Variants in PACRG observed in about 807,000 individuals in gnomAD.
PACRG encodes the protein parkin coregulated gene protein.
PACRG carries 29 observed loss-of-function variants against 29.7 expected under a neutral mutation model. That is an observed-to-expected ratio of 0.98 (90% confidence interval 0.73 to 1.33). The LOEUF is 1.33. PACRG is among the 40% of genes most tolerant of loss of function. PACRG has a pLI of 0.00. For synonymous variants in PACRG, 116 were observed against 118.7 expected (o/e 0.98, Z 0.15); for missense variants, 279 against 316.2 (o/e 0.88, Z 0.89).
intron 2 of PACRG, among the ~76,000 whole-genome samples, chr6:162,970,786 C>G (rs1801461297): frequency 6.6e-6 from 1 of 152,072 alleles, no homozygotes; most frequent in African/African-American, 2.4e-5. Flanking sequence ...CATCACAATT[C>G]AGATCCCAAA....
chr6:162,903,490 A>G (rs941199628), intron 2 of PACRG, among the ~76,000 whole-genome samples: 2 of 152,114 alleles, frequency 1.3e-5, no homozygotes, highest in African/African-American at 4.8e-5. Context: ...CAGAAGGTGA[A>G]AGACACATCT....
intron 2 of PACRG, among the ~76,000 whole-genome samples, chr6:163,061,118 C>T (rs1811063916): frequency 1.3e-5 from 2 of 152,160 alleles, no homozygotes; most frequent in Admixed American, 1.3e-4. Context: ...TAACTAGAAG[C>T]TGGGTGCATT....
rs375778247 is a variant in PACRG at position 163,270,006 on chromosome 6, A to G, written c.614-44821A>G. 8.2e-3 allele frequency among the ~76,000 whole-genome samples: 688 copies of G among 84,210 alleles called. 10 individuals are homozygous for G. The highest frequency in any genetic ancestry group is 0.017 in the African/African-American group (346 of 20,248). The allele number at this position is 84,210 out of a possible 152,430, so 55.2% of individuals were successfully genotyped here. On this transcript the variant is annotated intron_variant, in intron 4 of 4. Transcript: ENST00000366888. Reference sequence around the variant, plus strand: ...AAGAAAGAAAGAAAGAAAGAAAGAAAGGAGGGAGGGAGGGAGGGAGGAAGG... The same window carrying G: ...AAGAAAGAAAGAAAGAAAGAAAGAAGGGAGGGAGGGAGGGAGGGAGGAAGG...
intron 4 of PACRG, among the ~76,000 whole-genome samples, chr6:163,290,336 G>A (rs1467257332): frequency 6.6e-6 from 1 of 150,696 alleles, no homozygotes; most frequent in Non-Finnish European, 1.5e-5. Context: ...CAATCACTGA[G>A]TGACCATCTT....
chr6:162,812,701 T>A (rs929976842), intron 1 of PACRG, among the ~76,000 whole-genome samples: 1 of 152,138 alleles, frequency 6.6e-6, no homozygotes, highest in African/African-American at 2.4e-5. Context: ...GATAGTAATA[T>A]AGCTAAAACT....
intron 4 of PACRG, among the ~76,000 whole-genome samples, chr6:163,100,503 G>A (rs1020586916): frequency 7.2e-5 from 11 of 152,220 alleles, no homozygotes; most frequent in African/African-American, 2.6e-4. Flanking sequence ...GCCCTCCAAG[G>A]ACACCAAGGC....
chr6:163,223,630 G>C (rs988954831), intron 4 of PACRG, among the ~76,000 whole-genome samples: 1 of 152,166 alleles, frequency 6.6e-6, no homozygotes, highest in Non-Finnish European at 1.5e-5. Context: ...CCTAAATCAA[G>C]GGTTACAGGA....
chr6:163,277,346 C>T (rs1013716546), intron 4 of PACRG, among the ~76,000 whole-genome samples: 1 of 151,950 alleles, frequency 6.6e-6, no homozygotes, highest in Non-Finnish European at 1.5e-5. Flanking sequence ...TGAGTGAGAA[C>T]ATATGATGTT....
intron 2 of PACRG, among the ~76,000 whole-genome samples, chr6:163,027,582 C>T (rs1807252779): frequency 1.3e-5 from 2 of 152,030 alleles, no homozygotes; most frequent in African/African-American, 4.8e-5. Context: ...TTTAGAACAC[C>T]AGCCCCTTAA....
At chr6:162,866,768 G>T (rs1161516396) in intron 2 of PACRG, among the ~76,000 whole-genome samples, 1 of 152,166 alleles carries the variant, frequency 6.6e-6, no homozygotes, top group Non-Finnish European at 1.5e-5. Flanking sequence ...TGGAGAAAGA[G>T]AATTCTATCA....
At chr6:163,043,506 C>T (rs1239469993) in intron 2 of PACRG, among the ~76,000 whole-genome samples, 2 of 151,818 alleles carry the variant, frequency 1.3e-5, no homozygotes, top group Non-Finnish European at 2.9e-5. Context: ...GAGCCGAGAT[C>T]GCACCACTGC....
intron 2 of PACRG, among the ~76,000 whole-genome samples, chr6:162,954,546 C>A (rs1455692846): frequency 6.6e-6 from 1 of 151,358 alleles, no homozygotes; most frequent in Non-Finnish European, 1.5e-5. Flanking sequence ...ATATTATTAT[C>A]ATTGTATCAG....
intron 2 of PACRG, among the ~76,000 whole-genome samples, chr6:163,034,357 T>C (rs1450737365): frequency 6.6e-6 from 1 of 152,144 alleles, no homozygotes; most frequent in Non-Finnish European, 1.5e-5. Context: ...GCAGTTAACA[T>C]CCTGTAGTAC....
chr6:163,024,990 G>C (rs1806991147), intron 2 of PACRG, among the ~76,000 whole-genome samples: 1 of 152,096 alleles, frequency 6.6e-6, no homozygotes, highest in South Asian at 2.1e-4. Context: ...ATTGAGATAT[G>C]GTTATCTCAA....
chr6:162,819,180 T>C (rs1481486271), intron 2 of PACRG, among the ~76,000 whole-genome samples: 1 of 152,164 alleles, frequency 6.6e-6, no homozygotes, highest in African/African-American at 2.4e-5. Context: ...AGCAGGTATA[T>C]GTGAGAATGG....
At chr6:163,007,426 C>T (rs1021195454) in intron 2 of PACRG, among the ~76,000 whole-genome samples, 2 of 152,158 alleles carry the variant, frequency 1.3e-5, no homozygotes, top group African/African-American at 4.8e-5. Flanking sequence ...TAAATAACTT[C>T]CTTTCATATT....
At chr6:163,277,427 C>T (rs755136971) in intron 4 of PACRG, among the ~76,000 whole-genome samples, 1 of 150,236 alleles carries the variant, frequency 6.7e-6, no homozygotes, top group Non-Finnish European at 1.5e-5. Flanking sequence ...CTGTGAATGT[C>T]GTTATTTCGT....
intron 4 of PACRG, among the ~76,000 whole-genome samples, chr6:163,197,764 T>TA (rs751542749): frequency 6.6e-6 from 1 of 152,170 alleles, no homozygotes; most frequent in Non-Finnish European, 1.5e-5. Flanking sequence ...TTTCTATTCT[T>TA]ATGTTAAATG....
At position 163,020,679 on chromosome 6, in the gene PACRG, G is replaced by C. The variant is rs1806525350; in HGVS notation, c.292-41471G>C. The stretch of plus-strand genomic sequence containing the variant: ...CATATTTTCACTTTTATTTACTAAG[G>C]AATGACAGATCACCGAGAAAATCTT... On this transcript the variant is annotated intron_variant, in intron 2 of 4. Coordinates refer to ENST00000366888, the MANE Select transcript of PACRG (RefSeq NM_001080379.2). Among the ~76,000 whole-genome samples, 3 of 151,908 alleles carry C rather than the reference G, an allele frequency of 2.0e-5. No homozygotes were observed. In the South Asian group the frequency reaches 6.3e-4, roughly 32 times the overall value.
Sources: allele counts gnomAD v4.1 joint callset (sites outside exome capture counted in the v4.1 genomes callset), GRCh38; gene constraint gnomAD v4.1.1; transcripts MANE v1.5; gene names NCBI Gene and HGNC (gene_info 2026-07-23, HGNC 2026-07-21).